LIN9: variants seen among roughly 807,000 people sequenced by gnomAD.
LIN9 encodes the protein lin-9 DREAM MuvB core complex component, also known as protein lin-9 homolog.
Under a neutral mutation model 78.0 loss-of-function variants are expected in LIN9, and 18 were observed. The ratio of observed to expected loss-of-function variants is 0.23; its 90% confidence interval spans 0.16 to 0.34. The LOEUF is 0.34. Ranked by LOEUF, LIN9 falls within the 10% of genes least tolerant of loss-of-function variation. The pLI, the probability that LIN9 is intolerant of heterozygous loss-of-function variation, is 1.00. For missense variants in LIN9, 451 were observed against 644.1 expected (o/e 0.70, Z 3.25); for synonymous variants, 192 against 215.2 (o/e 0.89, Z 0.94).
chr1:226,301,562 T>C (rs1247314149), intron 1 of LIN9, among the ~76,000 whole-genome samples: 2 of 152,036 alleles, frequency 1.3e-5, no homozygotes, highest in Non-Finnish European at 2.9e-5. Context: ...GGAACCGACA[T>C]CCATTGAGGC....
chr1:226,260,932 A>T (rs996046899), intron 10 of LIN9, among the ~76,000 whole-genome samples: 7 of 151,828 alleles, frequency 4.6e-5, no homozygotes, highest in Admixed American at 3.3e-4. Context: ...GGCGTGAGCC[A>T]CCGCACCCGG....
Position 226,306,880 on chromosome 1 carries a change from A to G in LIN9, c.31+2229T>C, listed in dbSNP as rs532920218. 2.0e-5 allele frequency among the ~76,000 whole-genome samples: 3 copies of G among 152,310 alleles called. No homozygotes were observed. In the East Asian group the frequency reaches 5.8e-4, roughly 29 times the overall value. Reference sequence around the variant, plus strand: ...AATTCCATAAAAATTATTTATGTATACTTGATTTGTGGCACTGTATGACAA... The same window carrying G: ...AATTCCATAAAAATTATTTATGTATGCTTGATTTGTGGCACTGTATGACAA... On this transcript the variant is annotated intron_variant, in intron 1 of 14. Transcript: ENST00000681046.
intron 7 of LIN9, among the ~76,000 whole-genome samples, chr1:226,274,749 G>T (rs903868639): frequency 1.6e-4 from 24 of 150,976 alleles, no homozygotes; most frequent in African/African-American, 5.9e-4. Flanking sequence ...CAGTCTTTTA[G>T]TGTTTCCAAT....
At chr1:226,282,215 C>T (rs923027267) in intron 6 of LIN9, among the ~76,000 whole-genome samples, 7 of 152,050 alleles carry the variant, frequency 4.6e-5, no homozygotes, top group Non-Finnish European at 8.8e-5. Context: ...ATATGGAGTG[C>T]CATACTATAA....
intron 6 of LIN9, among the ~76,000 whole-genome samples, chr1:226,283,579 T>C (rs1388856978): frequency 6.6e-6 from 1 of 152,208 alleles, no homozygotes; most frequent in East Asian, 1.9e-4. Flanking sequence ...CTTTTGTTTT[T>C]GGCCATGTAA....
chr1:226,294,817 T>TG (rs764869709), intron 4 of LIN9, among the ~76,000 whole-genome samples: 36 of 150,062 alleles, frequency 2.4e-4, no homozygotes, highest in Admixed American at 4.6e-4. Context: ...TTTTTTTTTT[T>TG]GAGACAGAGT....
chr1:226,305,281 G>C (rs1177714065), intron 1 of LIN9, among the ~76,000 whole-genome samples: 1 of 128,964 alleles, frequency 7.8e-6, no homozygotes, highest in Non-Finnish European at 1.6e-5. Flanking sequence ...ACCAGCCTGA[G>C]CAACATAGGG....
chr1:226,309,539 C>A, upstream of LIN9: 1 of 1,180,068 alleles, frequency 8.5e-7, no homozygotes, highest in South Asian at 1.6e-5. Flanking sequence ...GAGTGGAGAA[C>A]GGGAGGGAGG....
At position 226,281,282 on chromosome 1, in the gene LIN9, G is replaced by C. The variant is rs979790789; in HGVS notation, c.525-3350C>G. Among the ~76,000 whole-genome samples, 4 of 152,238 alleles carry C rather than the reference G, an allele frequency of 2.6e-5. No individual in the cohort carries two copies. In the East Asian group the frequency reaches 5.8e-4, roughly 22 times the overall value. On this transcript the variant is annotated intron_variant, in intron 6 of 14. Transcript: ENST00000681046. ...TACCAGAGGCTGGGAAGGGAAAAGGGAGGGGAGGATGAAGATAAGTTAGCT... is the reference window on the plus strand; with the variant it reads ...TACCAGAGGCTGGGAAGGGAAAAGGCAGGGGAGGATGAAGATAAGTTAGCT...
chr1:226,280,142 T>C (rs138134473), intron 6 of LIN9, among the ~76,000 whole-genome samples: 37 of 152,330 alleles, frequency 2.4e-4, no homozygotes, highest in African/African-American at 8.7e-4. Flanking sequence ...TCCTTCCGTT[T>C]TCAAATCCCA....
chr1:226,238,829 A>C (rs1213685245), intron 12 of LIN9, 142 bp downstream of exon 12: 3 of 692,456 alleles, frequency 4.3e-6, no homozygotes, highest in African/African-American at 1.8e-5. Flanking sequence ...TGATGCTGGG[A>C]GGAGTAAGAA....
At chr1:226,298,719 G>A (rs974706355) in intron 2 of LIN9, among the ~76,000 whole-genome samples, 6 of 151,930 alleles carry the variant, frequency 3.9e-5, no homozygotes, top group African/African-American at 1.2e-4. Flanking sequence ...AAATTAGCTG[G>A]GCATGGTGGC....
chr1:226,244,507 T>C, intron 11 of LIN9, among the ~76,000 whole-genome samples: 1 of 152,168 alleles, frequency 6.6e-6, no homozygotes, highest in East Asian at 1.9e-4. Flanking sequence ...AGGTGAGGCA[T>C]TTGAACCATT....
intron 4 of LIN9, among the ~76,000 whole-genome samples, chr1:226,290,605 G>A (rs1269365804): frequency 6.6e-6 from 1 of 152,086 alleles, no homozygotes; most frequent in African/African-American, 2.4e-5. Flanking sequence ...CTCCCAAAGT[G>A]CTGGGATTAC....
Position 226,252,310 on chromosome 1 carries a change from AAATAAATAAATG to A in LIN9, c.1039-1403_1039-1392del, listed in dbSNP as rs1463497676. Among the ~76,000 whole-genome samples the A allele has an allele frequency of 1.7e-4, 26 of 150,578 alleles. 1 individual carries two copies. Among genetic ancestry groups the A allele is most frequent in the Middle Eastern group, 3.4e-3 (1 of 294 alleles). On this transcript the variant is annotated intron_variant, in intron 10 of 14. Coordinates refer to ENST00000681046, the MANE Select transcript of LIN9 (RefSeq NM_001366245.2). ...TAAATAAATAAATAAATAAATAAAT[AAATAAATAAATG>A]AATGAATGAATGAATGTCTCCTATC...
At chr1:226,255,432 G>A (rs773973722) in intron 10 of LIN9, among the ~76,000 whole-genome samples, 1 of 152,112 alleles carries the variant, frequency 6.6e-6, no homozygotes, top group Non-Finnish European at 1.5e-5. Flanking sequence ...ATAAGAGGAG[G>A]AAAAACTGAG....
At position 226,272,849 on chromosome 1, in the gene LIN9, T is replaced by C. The variant is rs1420246041; in HGVS notation, c.683-4759A>G. Among the ~76,000 whole-genome samples the C allele has an allele frequency of 3.3e-5, 5 of 152,124 alleles. No homozygotes were observed. The East Asian group carries it at 9.6e-4, about 29-fold the overall frequency. On this transcript the variant is annotated intron_variant, in intron 7 of 14. Transcript: ENST00000681046. ...TCTTTGTTGGATTACCAATAAACAG[T>C]GTAGGGTCCCAGAGCTTGGGGCCTT...
At chr1:226,257,100 C>G (rs1264956792) in intron 10 of LIN9, among the ~76,000 whole-genome samples, 1 of 151,934 alleles carries the variant, frequency 6.6e-6, no homozygotes, top group African/African-American at 2.4e-5. Flanking sequence ...ACTATAAATG[C>G]CACCAGGCCC....
chr1:226,303,443 G>T (rs766236605), intron 1 of LIN9, among the ~76,000 whole-genome samples: 26 of 152,134 alleles, frequency 1.7e-4, no homozygotes, highest in Non-Finnish European at 2.8e-4. Flanking sequence ...TGTATATAAG[G>T]TGTTCATGAT....
Sources: allele counts gnomAD v4.1 joint callset (sites outside exome capture counted in the v4.1 genomes callset), GRCh38; gene constraint gnomAD v4.1.1; transcripts MANE v1.5; gene names NCBI Gene and HGNC (gene_info 2026-07-23, HGNC 2026-07-21).